Variants in EPHA1 observed in about 807,000 individuals in gnomAD.
EPHA1 encodes the protein EPH receptor A1.
A neutral mutation model predicts 110.1 loss-of-function variants in EPHA1; 92 were observed. The observed-to-expected ratio is 0.84, with a 90% CI of 0.71 to 0.99. The LOEUF is 0.99. Ranked by LOEUF, EPHA1 falls within the 50% of genes least tolerant of loss-of-function variation. The pLI, the probability that EPHA1 is intolerant of heterozygous loss-of-function variation, is 0.00. For synonymous variants in EPHA1, 500 were observed against 516.1 expected (o/e 0.97, Z 0.42); for missense variants, 1,204 against 1,285.4 (o/e 0.94, Z 0.97).
chr7:143,399,526 G>A, intron 4 of EPHA1, 113 bp from the exon 5 acceptor site: 1 of 1,551,114 alleles, frequency 6.4e-7, no homozygotes, highest in Non-Finnish European at 8.7e-7. Flanking sequence ...GCATGTGTGT[G>A]TCCGCTGCTC....
rs1460102119 is a variant in EPHA1 at position 143,393,243 on chromosome 7, C to T, written c.2696+428G>A. ...GTGCAGCTGTATCTCCAATGTCCAG[C>T]AAACAGCTTGCACCAGTAGGTCCTC... On this transcript the variant is annotated intron_variant, in intron 16 of 17. Transcript: ENST00000275815. The surrounding 1 kb of genome is among the most constrained non-coding windows in gnomAD (Gnocchi z 5.6). 1.3e-5 allele frequency among the ~76,000 whole-genome samples: 2 copies of T among 152,168 alleles called. No individual in the cohort carries two copies. Among genetic ancestry groups the T allele is most frequent in the Non-Finnish European group, 2.9e-5 (2 of 68,034 alleles).
intron 2 of EPHA1, among the ~76,000 whole-genome samples, chr7:143,404,430 G>C (rs1000688605): frequency 6.6e-6 from 1 of 151,978 alleles, no homozygotes; most frequent in Non-Finnish European, 1.5e-5. Context: ...TGTTAGCCAG[G>C]ATGGTCTCGA....
chr7:143,405,639 A>C (rs530762740), intron 2 of EPHA1, among the ~76,000 whole-genome samples: 1 of 152,314 alleles, frequency 6.6e-6, no homozygotes, highest in Admixed American at 6.5e-5. Context: ...CAAGGGCCCA[A>C]GGAAGGCCCA....
In EPHA1 at chr7:143,398,630, G is replaced by A. The variant is rs763362632; in HGVS notation, c.1307C>T (p.Thr436Ile). 47 of 1,614,034 alleles carry A rather than the reference G, an allele frequency of 2.9e-5. No homozygotes were observed. The highest frequency in any genetic ancestry group is 6.7e-5 in the Admixed American group (4 of 60,028). ...ATGCCCCATGCTGATGCTGACTGAGGTGCTGGCATGGCCAGAGCTGCCCAG... is the reference window on the plus strand; with the variant it reads ...ATGCCCCATGCTGATGCTGACTGAGATGCTGGCATGGCCAGAGCTGCCCAG... ...SGLGSSGHAS[T>I]SVSISMGHAE... The change falls in exon 6 of 18, where the codon ACC becomes ATC. Residue 436 changes from threonine (T) to isoleucine (I), a missense_variant. Transcript: ENST00000275815.
chr7:143,407,816 A>G, intron 1 of EPHA1, 138 bp from the exon 2 acceptor site: 1 of 703,938 alleles, frequency 1.4e-6, no homozygotes, highest in Non-Finnish European at 2.4e-6. Flanking sequence ...GGCTTAGGGG[A>G]GAAAAAGGGC....
Position 143,398,838 on chromosome 7 carries a change from T to G in EPHA1, c.1099A>C (p.Ser367Arg). Residue 367 changes from serine (S) to arginine (R), a missense_variant, in exon 6 of 18, where the codon AGT becomes CGT. Ser to Arg is a moderately radical substitution (Grantham distance 110). Coordinates refer to ENST00000275815, the MANE Select transcript of EPHA1 (RefSeq NM_005232.5). ...CCCTGACACTGGGAACACCTCACAC[T>G]GTATCTGACATCCTGGCGTCCCCCC... Reference protein sequence around the residue: ...DTGGRQDVRYSVRCSQCQGTA... With the variant: ...DTGGRQDVRYRVRCSQCQGTA... 6.2e-7 allele frequency: 1 copy of G among 1,613,476 alleles called. No individual in the cohort carries two copies. The highest frequency in any genetic ancestry group is 8.5e-7 in the Non-Finnish European group (1 of 1,179,960).
intron 2 of EPHA1, among the ~76,000 whole-genome samples, chr7:143,403,747 G>C (rs1805479486): frequency 6.6e-6 from 1 of 152,110 alleles, no homozygotes. Context: ...GCCAATCCTA[G>C]GGTCAAAACA....
At chr7:143,407,507 C>G (rs141734073) in intron 2 of EPHA1, 104 bp downstream of exon 2, 1 of 1,151,772 alleles carries the variant, frequency 8.7e-7, no homozygotes, top group Non-Finnish European at 1.3e-6. Flanking sequence ...GGAGACACTT[C>G]CAGTTTTTCC....
At chr7:143,398,212 CCA>C (rs1805312892) in intron 7 of EPHA1, 107 bp downstream of exon 7, 1 of 1,580,106 alleles carries the variant, frequency 6.3e-7, no homozygotes, top group African/African-American at 1.3e-5. Flanking sequence ...CCTGAGAAAG[CCA>C]CACAGTGGAC....
intron 2 of EPHA1, among the ~76,000 whole-genome samples, chr7:143,402,564 T>G (rs1563120161): frequency 2.0e-5 from 3 of 152,216 alleles, no homozygotes; most frequent in African/African-American, 7.2e-5. Context: ...GGCTAATTTT[T>G]TGTATTTTTA....
rs370711332 is a variant in EPHA1, at chr7:143,395,111, C to T, written c.2145+10G>A. On this transcript the variant is annotated intron_variant, in intron 13 of 17. Coordinates refer to ENST00000275815, the MANE Select transcript of EPHA1 (RefSeq NM_005232.5). The surrounding 1 kb of genome is among the most constrained non-coding windows in gnomAD (Gnocchi z 4.7). ...ATCCCCCTCCCCAGCTAGTCCTCTGCCCTCCTCACCCTCAGGAAGGCATCC... is the reference window on the plus strand; with the variant it reads ...ATCCCCCTCCCCAGCTAGTCCTCTGTCCTCCTCACCCTCAGGAAGGCATCC... The T allele has an allele frequency of 1.2e-6, 2 of 1,613,938 alleles. No individual in the cohort carries two copies. The highest frequency in any genetic ancestry group is 1.3e-5 in the African/African-American group (1 of 74,908).
At chr7:143,397,495 G>A (rs1261823174) in intron 9 of EPHA1, 66 bp downstream of exon 9, 42 of 1,594,044 alleles carry the variant, frequency 2.6e-5, no homozygotes, top group East Asian at 4.5e-5. Context: ...TGGGAGGGTC[G>A]TTGGGGCTGC....
At position 143,401,734 on chromosome 7, in the gene EPHA1, C is replaced by T. The variant is rs1805426779; in HGVS notation, c.151-129G>A. 3.7e-6 allele frequency: 4 copies of T among 1,082,816 alleles called. No individual in the cohort carries two copies. Among genetic ancestry groups the T allele is most frequent in the Non-Finnish European group, 5.3e-6 (4 of 751,302 alleles). The allele number at this position is 1,082,816 out of a possible 1,614,324, so 67.1% of individuals were successfully genotyped here. On this transcript the variant is annotated intron_variant, in intron 2 of 17. Transcript: ENST00000275815. This position sits in a 1 kb window ranked among gnomAD's most constrained non-coding sequence, Gnocchi z 4.1. ...TTATGCTACTTGTTCTGCCTCTCCC[C>T]ACCCCTCAGCTCCAGGACAGTAGAC...
chr7:143,396,083 C>T (rs1805236471), intron 11 of EPHA1, among the ~76,000 whole-genome samples: 1 of 152,232 alleles, frequency 6.6e-6, no homozygotes, highest in Non-Finnish European at 1.5e-5. Flanking sequence ...GGACCCTCAG[C>T]ACAGCAGCAC....
At chr7:143,404,401 C>G (rs900590515) in intron 2 of EPHA1, among the ~76,000 whole-genome samples, 1 of 151,746 alleles carries the variant, frequency 6.6e-6, no homozygotes, top group Non-Finnish European at 1.5e-5. Flanking sequence ...GTATTTTTAG[C>G]AGAGATGGGG....
rs1055861307 is a variant in EPHA1, at chr7:143,399,176, T to A, written c.991+82A>T. 20 of 1,535,732 alleles carry A rather than the reference T, an allele frequency of 1.3e-5. No individual in the cohort carries two copies. In the East Asian group the frequency reaches 4.3e-4, roughly 33 times the overall value. ...ACCATCTCCAATATCTGACAAGCTCTGGAAAAATCCAACCCTGACAAAGTC... is the reference window on the plus strand; with the variant it reads ...ACCATCTCCAATATCTGACAAGCTCAGGAAAAATCCAACCCTGACAAAGTC... On this transcript the variant is annotated intron_variant, in intron 5 of 17. Coordinates refer to ENST00000275815, the MANE Select transcript of EPHA1 (RefSeq NM_005232.5).
chr7:143,404,407 T>A (rs1262740224), intron 2 of EPHA1, among the ~76,000 whole-genome samples: 1 of 151,962 alleles, frequency 6.6e-6, no homozygotes, highest in Non-Finnish European at 1.5e-5. Context: ...TTAGCAGAGA[T>A]GGGGTTTCAC....
chr7:143,392,366 C>T (rs866947367), intron 16 of EPHA1, among the ~76,000 whole-genome samples: 2 of 152,218 alleles, frequency 1.3e-5, no homozygotes, highest in Non-Finnish European at 2.9e-5. Flanking sequence ...GATTAGCACA[C>T]GCAGTCTCCA....
At chr7:143,394,632 G>A (rs1805192189) in intron 14 of EPHA1, among the ~76,000 whole-genome samples, 176 bp downstream of exon 14, 1 of 152,094 alleles carries the variant, frequency 6.6e-6, no homozygotes, top group Non-Finnish European at 1.5e-5. Context: ...ATGTTCGCCA[G>A]GCTGGTCTCG....
Sources: gnomAD v4.1 joint callset for allele counts (sites outside exome capture counted in the v4.1 genomes callset) on GRCh38, gnomAD v4.1.1 for gene constraint, Gnocchi (gnomAD v3.1) non-coding constraint, MANE v1.5 for transcripts, NCBI Gene and HGNC (gene_info 2026-07-23, HGNC 2026-07-21) for gene names.